Variants in HHIPL1 observed in about 807,000 individuals in gnomAD.
HHIPL1 encodes HHIP like 1.
Under a neutral mutation model 61.8 loss-of-function variants are expected in HHIPL1, and 43 were observed. The observed-to-expected ratio is 0.70, with a 90% CI of 0.55 to 0.90. The LOEUF is 0.90. HHIPL1 is among the 40% of genes least tolerant of loss of function. HHIPL1 has a pLI of 0.00. For missense variants in HHIPL1, 1,056 were observed against 1,157.7 expected, an observed-to-expected ratio of 0.91 and a Z score of 1.28; for synonymous variants, 482 against 515.8, an observed-to-expected ratio of 0.93 and a Z score of 0.89.
intron 2 of HHIPL1, among the ~76,000 whole-genome samples, chr14:99,654,825 A>G (rs2056001332): frequency 6.6e-6 from 1 of 152,242 alleles, no homozygotes; most frequent in Admixed American, 6.5e-5. Context: ...CAGTTCTCCA[A>G]GAGAGACCAA....
chr14:99,678,983 G>T lies in HHIPL1; in HGVS notation c.*3357G>T, dbSNP rs896562939. 1.3e-5 allele frequency: 2 copies of T among 152,224 alleles called. No homozygotes were observed. Among genetic ancestry groups the T allele is most frequent in the African/African-American group, 2.4e-5 (1 of 41,448 alleles). The allele number at this position is 152,224 out of a possible 1,614,324, so 9.4% of individuals were successfully genotyped here. ...GAGCGCTTACTACATGCCAAGCACT[G>T]CTCTGAAAGTTTAACATACCATTCA... On this transcript the variant is annotated 3_prime_UTR_variant, in exon 9 of 9. Coordinates refer to ENST00000330710, the MANE Select transcript of HHIPL1 (RefSeq NM_001127258.3).
chr14:99,612,835 G>A, the HHIPL1 span, among the ~76,000 whole-genome samples: 1 of 152,150 alleles, frequency 6.6e-6, no homozygotes, highest in East Asian at 1.9e-4. Context: ...AGCCCCCACA[G>A]CCTCTGGACG....
rs1329921060 is a variant in HHIPL1, at chr14:99,677,989, TA to T, written c.*2365del. 1.3e-5 allele frequency: 2 copies of T among 152,240 alleles called. No homozygotes were observed. The highest frequency in any genetic ancestry group is 4.8e-5 in the African/African-American group (2 of 41,430). The allele number at this position is 152,240 out of a possible 1,614,324, so 9.4% of individuals were successfully genotyped here. Reference sequence around the variant, plus strand: ...TTTGGCATCATGGACTGGTTTCATGTAAGACAATTTTTCCATGGATGGGGGT... The same window carrying T: ...TTTGGCATCATGGACTGGTTTCATGTAGACAATTTTTCCATGGATGGGGGT... On this transcript the variant is annotated 3_prime_UTR_variant, in exon 9 of 9. Transcript: ENST00000330710. The surrounding 1 kb of genome is among the most constrained non-coding windows in gnomAD (Gnocchi z 4.3).
chr14:99,642,556 C>T (rs536411263), upstream of HHIPL1, among the ~76,000 whole-genome samples: 3 of 151,294 alleles, frequency 2.0e-5, no homozygotes, highest in South Asian at 6.3e-4. Context: ...GACGGAGTCT[C>T]GCTCTGTCAC....
chr14:99,637,178 A>G, the HHIPL1 span, among the ~76,000 whole-genome samples: 8 of 143,946 alleles, frequency 5.6e-5, no homozygotes, highest in Admixed American at 1.4e-4. Context: ...AAAAGAAAGA[A>G]AGAAAGAATG....
At position 99,675,182 on chromosome 14, in the gene HHIPL1, C is replaced by T. The variant is rs867107802; in HGVS notation, c.1905C>T (p.Pro635=). The T allele has an allele frequency of 3.5e-6, 4 of 1,128,734 alleles. No homozygotes were observed. The highest frequency in any genetic ancestry group is 3.3e-6 in the Non-Finnish European group (3 of 914,882). 69.9% of individuals were successfully genotyped at this position (1,128,734 alleles called of 1,614,324 possible). The change falls in exon 9 of 9, where the codon CCC becomes CCT. Residue 635 remains proline (P), a synonymous_variant. Coordinates refer to ENST00000330710, the MANE Select transcript of HHIPL1 (RefSeq NM_001127258.3). This position sits in a 1 kb window ranked among gnomAD's most constrained non-coding sequence, Gnocchi z 5.4. ...GAGGGCGCCCCACGGCCGCTCCCCC[C>T]GCGCCAACCCCGCGGCCAGCGCGGC... is the stretch of plus-strand genomic sequence containing the variant. ...PRRGRPTAAP[P]APTPRPARPT... is the part of the protein sequence containing the mutation.
At chr14:99,622,881 A>G in the HHIPL1 span, among the ~76,000 whole-genome samples, 1 of 152,360 alleles carries the variant, frequency 6.6e-6, no homozygotes, top group Non-Finnish European at 1.5e-5. Context: ...AAGAGCATAA[A>G]GCACTCAGCA....
At chr14:99,634,355 C>T in the HHIPL1 span, among the ~76,000 whole-genome samples, 15 of 152,122 alleles carry the variant, frequency 9.9e-5, no homozygotes, top group Non-Finnish European at 2.1e-4. Flanking sequence ...TCCCCCGTGA[C>T]GGCTCTCATT....
intron 7 of HHIPL1, among the ~76,000 whole-genome samples, chr14:99,671,702 C>T (rs965485530): frequency 4.6e-5 from 7 of 152,228 alleles, no homozygotes; most frequent in African/African-American, 1.2e-4. Flanking sequence ...AGCCCTGGCA[C>T]CCTTCTCTGA....
the HHIPL1 span, among the ~76,000 whole-genome samples, chr14:99,621,684 G>A: frequency 2.7e-5 from 4 of 149,880 alleles, no homozygotes; most frequent in African/African-American, 7.4e-5. Context: ...CAACCTCAGA[G>A]GATTCCCTTT....
chr14:99,640,661 A>C (rs2055738556), upstream of HHIPL1, among the ~76,000 whole-genome samples: 1 of 152,178 alleles, frequency 6.6e-6, no homozygotes, highest in South Asian at 2.1e-4. Flanking sequence ...CAGAGGAAAT[A>C]CATTTTTTTC....
chr14:99,659,648 A>T lies in HHIPL1; in HGVS notation c.1267A>T (p.Asn423Tyr). ...GRLFCGDVGQ[N>Y]KFEEVDVVER... ...CCTCTTCTGCGGCGACGTGGGCCAG[A>T]ACAAGTTCGAGGAGGTGGACGTGGT... Residue 423 changes from asparagine to tyrosine, a missense_variant, in exon 4 of 9, where the codon AAC (asparagine) becomes TAC (tyrosine). Transcript: ENST00000330710. 4.5e-6 allele frequency: 7 copies of T among 1,551,830 alleles called. No homozygotes were observed. The highest frequency in any genetic ancestry group is 6.1e-6 in the Non-Finnish European group (7 of 1,153,484).
the HHIPL1 span, among the ~76,000 whole-genome samples, chr14:99,618,878 T>C: frequency 1.3e-5 from 2 of 152,232 alleles, no homozygotes; most frequent in Middle Eastern, 3.4e-3. Flanking sequence ...TGGAGCTAAC[T>C]CCTCTCTACA....
chr14:99,678,656 A>T lies in HHIPL1; in HGVS notation c.*3030A>T, dbSNP rs752209556. The stretch of plus-strand genomic sequence containing the variant: ...AGTTGCTTACGAAAGGACTTAGAAA[A>T]GTAATAATATTCCCAAATAAGGAAG... On this transcript the variant is annotated 3_prime_UTR_variant, in exon 9 of 9. Coordinates refer to ENST00000330710, the MANE Select transcript of HHIPL1 (RefSeq NM_001127258.3). 3 of 152,258 alleles carry T rather than the reference A, an allele frequency of 2.0e-5. No homozygotes were observed. The highest frequency in any genetic ancestry group is 4.4e-5 in the Non-Finnish European group (3 of 68,038). 9.4% of individuals were successfully genotyped at this position (152,258 alleles called of 1,614,324 possible). A position where few individuals can be genotyped will look rare whatever the true frequency, so the allele number is the denominator to read the frequency against.
chr14:99,672,487 C>G (rs1162797033), intron 8 of HHIPL1, 88 bp downstream of exon 8: 1 of 1,078,516 alleles, frequency 9.3e-7, no homozygotes, highest in South Asian at 1.4e-5. Context: ...TCGGGTCTTA[C>G]CAGCTGGACC....
At chr14:99,637,201 GAAGAAAGAAAGAAAGAAAGAAAGAAAGA>G in the HHIPL1 span, among the ~76,000 whole-genome samples, 1,098 of 87,322 alleles carry the variant, frequency 0.013, 21 homozygotes, top group African/African-American at 0.019. Flanking sequence ...AGAAAGAAAG[GAAGAAAGAAAGAAAGAAAGAAAGAAAGA>G]AAGAAAGAAA....
Position 99,675,482 on chromosome 14 carries a change from G to A in HHIPL1, c.2205G>A (p.Ser735=), listed in dbSNP as rs1487328313. 6.5e-7 allele frequency: 1 copy of A among 1,542,046 alleles called. No homozygotes were observed. The highest frequency in any genetic ancestry group is 8.7e-7 in the Non-Finnish European group (1 of 1,146,366). ...GAGCCGAGTTCGGCCAGGGCGGCTC[G>A]CTGCCCATTCTGCTGGACGATGTGC... ...VKRAEFGQGG[S]LPILLDDVRC... Residue 735 remains serine (S), a synonymous_variant, in exon 9 of 9, where the codon TCG becomes TCA. Transcript: ENST00000330710. This position sits in a 1 kb window ranked among gnomAD's most constrained non-coding sequence, Gnocchi z 5.4.
chr14:99,668,445 C>T lies in HHIPL1; in HGVS notation c.1730+142C>T, dbSNP rs999068116. 15 of 641,004 alleles carry T rather than the reference C, an allele frequency of 2.3e-5. No individual in the cohort carries two copies. The highest frequency in any genetic ancestry group is 3.4e-5 in the Non-Finnish European group (12 of 355,366). 39.7% of individuals were successfully genotyped at this position (641,004 alleles called of 1,614,324 possible). On this transcript the variant is annotated intron_variant, in intron 7 of 8. Coordinates refer to ENST00000330710, the MANE Select transcript of HHIPL1 (RefSeq NM_001127258.3). The surrounding 1 kb of genome is among the most constrained non-coding windows in gnomAD (Gnocchi z 4.7). ...AAGAACCCTGAGGCCCAGAGAGGGA[C>T]GTGATTTGCCTCAGTTCCTCCGGCA... is the stretch of plus-strand genomic sequence containing the variant.
intron 7 of HHIPL1, 21 bp from the exon 8 acceptor site, chr14:99,672,296 C>A (rs1566817868): frequency 1.7e-5 from 26 of 1,549,634 alleles, no homozygotes; most frequent in Non-Finnish European, 2.3e-5. Context: ...AGACTCATAA[C>A]CTCCTGTGTG....
Sources: allele counts gnomAD v4.1 joint callset (sites outside exome capture counted in the v4.1 genomes callset), GRCh38; gene constraint gnomAD v4.1.1; non-coding constraint Gnocchi (gnomAD v3.1); transcripts MANE v1.5; gene names NCBI Gene and HGNC (gene_info 2026-07-23, HGNC 2026-07-21).